The following ITGBL1 variants were observed in gnomAD, a reference collection of about 807,000 sequenced individuals.
ITGBL1 encodes integrin beta-like protein 1.
Under a neutral mutation model 68.5 loss-of-function variants are expected in ITGBL1, and 51 were observed. The ratio of observed to expected loss-of-function variants is 0.74; its 90% CI spans 0.59 to 0.94. The LOEUF (loss-of-function observed/expected upper bound fraction) is 0.94, where lower values mean the gene tolerates loss of function less well. Among genes scored for constraint, ITGBL1 ranks in the 40% least tolerant of loss-of-function variants. ITGBL1 has a pLI of 0.00. For synonymous variants in ITGBL1, 209 were observed against 227.3 expected, an observed-to-expected ratio of 0.92 and a Z score of 0.72; for missense variants, 649 against 647.4, an observed-to-expected ratio of 1.00 and a Z score of -0.03.
chr13:101,656,975 C>G (rs1356501990), intron 7 of ITGBL1, among the ~76,000 whole-genome samples: 1 of 137,776 alleles, frequency 7.3e-6, no homozygotes, highest in East Asian at 2.1e-4. Flanking sequence ...TTTAATTATA[C>G]TTTAAGTTTT....
chr13:101,638,102 C>T (rs1436261), intron 7 of ITGBL1, among the ~76,000 whole-genome samples: 122,539 of 152,178 alleles, frequency 0.81, 49,520 homozygotes, highest in African/African-American at 0.88. Context: ...TTATACACAA[C>T]TGCAGAGTTT....
intron 2 of ITGBL1, among the ~76,000 whole-genome samples, chr13:101,492,601 C>T (rs116081162): frequency 7.9e-4 from 120 of 152,264 alleles, no homozygotes; most frequent in African/African-American, 2.7e-3. Context: ...TACTCCTCTG[C>T]CTCTTCTTCT....
At chr13:101,457,248 C>T (rs2048257117) in intron 2 of ITGBL1, among the ~76,000 whole-genome samples, 1 of 151,888 alleles carries the variant, frequency 6.6e-6, no homozygotes, top group Non-Finnish European at 1.5e-5. Flanking sequence ...GATAGCTGGC[C>T]CAGTGTTTGT....
chr13:101,499,331 T>G (rs2048904910), intron 2 of ITGBL1, among the ~76,000 whole-genome samples: 1 of 152,244 alleles, frequency 6.6e-6, no homozygotes, highest in South Asian at 2.1e-4. Context: ...CTACTTTTCT[T>G]TAATTCTGTC....
At chr13:101,505,488 C>T (rs996018446) in intron 2 of ITGBL1, among the ~76,000 whole-genome samples, 1 of 152,022 alleles carries the variant, frequency 6.6e-6, no homozygotes, top group Non-Finnish European at 1.5e-5. Flanking sequence ...GCTAACTCCG[C>T]CTGGAGGATT....
chr13:101,465,632 A>G (rs1454661500), intron 2 of ITGBL1, among the ~76,000 whole-genome samples: 1 of 152,184 alleles, frequency 6.6e-6, no homozygotes, highest in African/African-American at 2.4e-5. Flanking sequence ...AGATAACTGG[A>G]TTAGGAGACA....
chr13:101,568,115 G>A (rs931003510), intron 3 of ITGBL1, among the ~76,000 whole-genome samples: 3 of 152,144 alleles, frequency 2.0e-5, no homozygotes, highest in African/African-American at 7.2e-5. Flanking sequence ...TAAATTGTGA[G>A]CCATGATATT....
At chr13:101,595,542 G>A (rs986575956) in intron 6 of ITGBL1, among the ~76,000 whole-genome samples, 1 of 152,016 alleles carries the variant, frequency 6.6e-6, no homozygotes, top group Non-Finnish European at 1.5e-5. Context: ...ATGGGCAAAT[G>A]ACCTGAATAG....
chr13:101,612,497 C>T (rs2031179937), intron 7 of ITGBL1, among the ~76,000 whole-genome samples: 1 of 151,890 alleles, frequency 6.6e-6, no homozygotes, highest in Non-Finnish European at 1.5e-5. Context: ...GTTAATGATA[C>T]TGTTGAATTA....
intron 2 of ITGBL1, among the ~76,000 whole-genome samples, chr13:101,465,278 C>T (rs904893565): frequency 1.3e-5 from 2 of 152,000 alleles, no homozygotes; most frequent in Non-Finnish European, 2.9e-5. Context: ...TTGGAAATGT[C>T]ACCAAAATTA....
intron 7 of ITGBL1, among the ~76,000 whole-genome samples, chr13:101,616,624 A>G (rs1317070446): frequency 2.0e-5 from 3 of 151,876 alleles, no homozygotes; most frequent in African/African-American, 4.8e-5. Context: ...CTAAGTAGCT[A>G]GGATTACAGG....
chr13:101,583,179 T>C (rs2050491325), intron 5 of ITGBL1, 37 bp from the exon 6 acceptor site: 1 of 1,600,750 alleles, frequency 6.2e-7, no homozygotes, highest in Non-Finnish European at 8.6e-7. Context: ...ATGGTTTTTC[T>C]TGACTGGATT....
At chr13:101,559,790 C>T (rs372520467) in intron 2 of ITGBL1, among the ~76,000 whole-genome samples, 2 of 152,234 alleles carry the variant, frequency 1.3e-5, no homozygotes, top group Admixed American at 1.3e-4. Flanking sequence ...CTCACTGGCT[C>T]ATTATGAAAA....
chr13:101,511,066 C>G (rs2049108089), intron 2 of ITGBL1, among the ~76,000 whole-genome samples: 1 of 151,878 alleles, frequency 6.6e-6, no homozygotes, highest in Admixed American at 6.6e-5. Flanking sequence ...GCCATAAATC[C>G]TTTACCAAGC....
chr13:101,572,441 G>A (rs748434000), intron 3 of ITGBL1, among the ~76,000 whole-genome samples: 84 of 152,200 alleles, frequency 5.5e-4, no homozygotes, highest in Non-Finnish European at 8.5e-4. Flanking sequence ...AGGAGTGTGG[G>A]CTGGTGTACA....
chr13:101,697,880 T>C (rs2034039352), intron 8 of ITGBL1, among the ~76,000 whole-genome samples: 1 of 152,182 alleles, frequency 6.6e-6, no homozygotes, highest in South Asian at 2.1e-4. Context: ...CTGTCTCAGG[T>C]ATCTGGAAGC....
chr13:101,482,169 A>T (rs2048634927), intron 2 of ITGBL1, among the ~76,000 whole-genome samples: 1 of 152,094 alleles, frequency 6.6e-6, no homozygotes, highest in South Asian at 2.1e-4. Flanking sequence ...TTGAATCTGG[A>T]TGTTTTTCTA....
intron 7 of ITGBL1, among the ~76,000 whole-genome samples, chr13:101,604,883 T>C (rs112117851): frequency 0.3 from 3,789 of 12,832 alleles, 349 homozygotes; most frequent in African/African-American, 0.37. Flanking sequence ...TATATATATA[T>C]ATATACACAC....
At chr13:101,453,433 C>G (rs372974737) in intron 1 of ITGBL1, among the ~76,000 whole-genome samples, 2 of 152,340 alleles carry the variant, frequency 1.3e-5, no homozygotes, top group East Asian at 3.9e-4. Context: ...TCTATAGATT[C>G]ACGTTTTCTC....
Sources: gnomAD v4.1 joint callset for allele counts (sites outside exome capture counted in the v4.1 genomes callset) on GRCh38, gnomAD v4.1.1 for gene constraint, MANE v1.5 for transcripts, NCBI Gene and HGNC (gene_info 2026-07-23, HGNC 2026-07-21) for gene names.